Variants in MACROD2 observed in about 807,000 individuals in gnomAD.
The protein encoded by MACROD2 is mono-ADP ribosylhydrolase 2.
A neutral mutation model predicts 70.4 loss-of-function variants in MACROD2; 36 were observed. The ratio of observed to expected loss-of-function variants is 0.51; its 90% confidence interval spans 0.39 to 0.68. The LOEUF is 0.68. Ranked by LOEUF, MACROD2 falls within the 30% of genes least tolerant of loss-of-function variation. MACROD2 has a pLI of 0.00. For synonymous variants in MACROD2, 172 were observed against 178.8 expected (o/e 0.96, Z 0.30); for missense variants, 496 against 538.4 (o/e 0.92, Z 0.78).
intron 15 of MACROD2, among the ~76,000 whole-genome samples, chr20:16,018,297 G>T (rs1407000538): frequency 6.6e-6 from 1 of 151,978 alleles, no homozygotes; most frequent in East Asian, 1.9e-4. Flanking sequence ...CAACCTTCTG[G>T]TGCTAGAAAT....
intron 6 of MACROD2, among the ~76,000 whole-genome samples, chr20:15,389,999 G>A (rs1306441447): frequency 6.6e-6 from 1 of 152,172 alleles, no homozygotes. Flanking sequence ...GAGACTGATG[G>A]GAAGATAAAA....
chr20:15,175,310 G>C (rs1195416901), intron 5 of MACROD2, among the ~76,000 whole-genome samples: 1 of 150,724 alleles, frequency 6.6e-6, no homozygotes, highest in East Asian at 2.0e-4. Context: ...GATAGCTTTA[G>C]GAGATATACC....
At chr20:14,180,564 T>G (rs1444534907) in intron 3 of MACROD2, among the ~76,000 whole-genome samples, 2 of 152,166 alleles carry the variant, frequency 1.3e-5, no homozygotes, top group Non-Finnish European at 1.5e-5. Flanking sequence ...GCCTGAGGTG[T>G]TGTTCAGGCA....
intron 3 of MACROD2, among the ~76,000 whole-genome samples, chr20:14,203,755 C>G (rs1340061271): frequency 6.6e-6 from 1 of 152,194 alleles, no homozygotes; most frequent in Non-Finnish European, 1.5e-5. Flanking sequence ...TGGGCTGGTC[C>G]TTAGGCACCC....
At position 15,387,186 on chromosome 20, in the gene MACROD2, A is replaced by G. The variant is rs151152490; in HGVS notation, c.541-44219A>G. Among the ~76,000 whole-genome samples, 702 of 152,332 alleles carry G rather than the reference A, an allele frequency of 4.6e-3. 21 individuals carry two copies. The highest frequency in any genetic ancestry group is 0.041 in the Admixed American group (629 of 15,300). On this transcript the variant is annotated intron_variant, in intron 6 of 17. Coordinates refer to ENST00000684519, the MANE Select transcript of MACROD2 (RefSeq NM_001351661.2). The stretch of plus-strand genomic sequence containing the variant: ...TGCAGGCATATCTCATAAAAAGGTT[A>G]TTTAGAAATAAATCTGATGGCTGTG...
At chr20:15,647,477 A>G (rs1483510818) in intron 8 of MACROD2, among the ~76,000 whole-genome samples, 1 of 152,202 alleles carries the variant, frequency 6.6e-6, no homozygotes, top group Non-Finnish European at 1.5e-5. Context: ...CCACATTAGG[A>G]TGCACAAAAT....
chr20:15,246,848 TAAAC>T (rs1190993348), intron 6 of MACROD2, among the ~76,000 whole-genome samples: 9 of 152,180 alleles, frequency 5.9e-5, no homozygotes, highest in African/African-American at 2.2e-4. Flanking sequence ...GATGAATAGA[TAAAC>T]AAACTATGAT....
chr20:14,741,831 T>TA (rs542795359), intron 5 of MACROD2, among the ~76,000 whole-genome samples: 17 of 152,082 alleles, frequency 1.1e-4, no homozygotes, highest in Admixed American at 1.0e-3. Flanking sequence ...CCCATTGGAT[T>TA]AAAAAAAATC....
chr20:15,267,948 T>G (rs1276009804), intron 6 of MACROD2, among the ~76,000 whole-genome samples: 1 of 152,230 alleles, frequency 6.6e-6, no homozygotes, highest in African/African-American at 2.4e-5. Flanking sequence ...CAATAAATTC[T>G]GTTTTTCTCA....
In MACROD2 at chr20:14,055,139, A is replaced by G. The variant is rs566692147; in HGVS notation, c.164-30482A>G. 2.6e-5 allele frequency among the ~76,000 whole-genome samples: 4 copies of G among 152,294 alleles called. No individual in the cohort carries two copies. In the East Asian group the frequency reaches 7.7e-4, roughly 29 times the overall value. On this transcript the variant is annotated intron_variant, in intron 2 of 17. Transcript: ENST00000684519. ...AGTAGTCTTTGTTTTGTGAAACTCC[A>G]AGGAAATATTTTCTACACATTTCAG... is the stretch of plus-strand genomic sequence containing the variant.
In MACROD2 at chr20:15,968,122, T is replaced by C. The variant is rs752345400; in HGVS notation, c.985+492T>C. Among the ~76,000 whole-genome samples, 3 of 152,172 alleles carry C rather than the reference T, an allele frequency of 2.0e-5. No homozygotes were observed. In the East Asian group the frequency reaches 5.8e-4, roughly 29 times the overall value. The stretch of plus-strand genomic sequence containing the variant: ...AACATGACAGTACACATTATATTTA[T>C]AGGCAAAGGAAAAACTCAGAACAGA... On this transcript the variant is annotated intron_variant, in intron 13 of 17. Coordinates refer to ENST00000684519, the MANE Select transcript of MACROD2 (RefSeq NM_001351661.2).
chr20:14,099,152 C>T lies in MACROD2; in HGVS notation c.271+13424C>T, dbSNP rs985665253. Among the ~76,000 whole-genome samples, 12 of 152,070 alleles carry T rather than the reference C, an allele frequency of 7.9e-5. 1 individual carries two copies. The South Asian group carries it at 1.7e-3, about 21-fold the overall frequency. On this transcript the variant is annotated intron_variant, in intron 3 of 17. Transcript: ENST00000684519. ...AATTAGCCGGGCGTGGTGGCATGCG[C>T]CTGTAATCCCAGCTACTCAGGAGGC...
At chr20:15,978,329 G>A (rs976543339) in intron 13 of MACROD2, among the ~76,000 whole-genome samples, 13 of 152,140 alleles carry the variant, frequency 8.5e-5, no homozygotes, top group Admixed American at 4.6e-4. Flanking sequence ...CAGCAAGGTC[G>A]CCAGACTTGC....
chr20:14,096,466 G>A (rs1381742844), intron 3 of MACROD2, among the ~76,000 whole-genome samples: 4 of 147,902 alleles, frequency 2.7e-5, no homozygotes, highest in Non-Finnish European at 4.4e-5. Flanking sequence ...TCCCCAGTTC[G>A]AGGGATTCTC....
intron 4 of MACROD2, among the ~76,000 whole-genome samples, chr20:14,514,005 A>G (rs2085059480): frequency 6.6e-6 from 1 of 152,106 alleles, no homozygotes; most frequent in South Asian, 2.1e-4. Context: ...TATCTAGCTC[A>G]AGGTTTATTG....
At chr20:14,920,561 T>C (rs752327787) in intron 5 of MACROD2, among the ~76,000 whole-genome samples, 1 of 152,214 alleles carries the variant, frequency 6.6e-6, no homozygotes, top group Non-Finnish European at 1.5e-5. Context: ...TTAGAATAAA[T>C]TATTGAAGAC....
At chr20:15,941,382 T>G (rs1165347475) in intron 12 of MACROD2, among the ~76,000 whole-genome samples, 1 of 152,172 alleles carries the variant, frequency 6.6e-6, no homozygotes, top group East Asian at 1.9e-4. Context: ...TGAAATAGCA[T>G]GTATAGAAAA....
intron 3 of MACROD2, among the ~76,000 whole-genome samples, chr20:14,409,655 T>G (rs2122861149): frequency 6.6e-6 from 1 of 152,120 alleles, no homozygotes; most frequent in South Asian, 2.1e-4. Context: ...ATAGGCAGAG[T>G]TTATATTTCA....
At chr20:15,499,888 T>C in intron 8 of MACROD2, 41 bp downstream of exon 8, 1 of 1,581,444 alleles carries the variant, frequency 6.3e-7, no homozygotes, top group Non-Finnish European at 8.7e-7. Context: ...CAAGATGATG[T>C]AATTTGATGC....
Sources: gnomAD v4.1 joint callset for allele counts (sites outside exome capture counted in the v4.1 genomes callset) on GRCh38, gnomAD v4.1.1 for gene constraint, MANE v1.5 for transcripts, NCBI Gene and HGNC (gene_info 2026-07-23, HGNC 2026-07-21) for gene names.